The following CCR5AS variants were observed in gnomAD, a reference collection of about 807,000 sequenced individuals.
CCR5AS encodes the protein CCR5 antisense RNA.
At chr3:46,364,997 G>A (rs1701586926) in exon 4 of CCR5AS, 1 of 154,754 alleles carries the variant, frequency 6.5e-6, no homozygotes. Flanking sequence ...TCTTACATAT[G>A]AGCAGTGAAA....
At chr3:46,404,313 CTCTCTCTCTCTCTCTT>C (rs1452044932) in intron 1 of CCR5AS, among the ~76,000 whole-genome samples, 2,992 of 90,094 alleles carry the variant, frequency 0.033, 72 homozygotes, top group African/African-American at 0.11. Flanking sequence ...CTCTCTCTCT[CTCTCTCTCTCTCTCTT>C]TTTTTTTTTT....
In CCR5AS at chr3:46,373,359, T is replaced by G. The variant is rs777744606; in HGVS notation, n.392-1942A>C. On this transcript the variant is annotated intron_variant and non_coding_transcript_variant, in intron 2 of 3. Transcript: ENST00000451485. Reference sequence around the variant, plus strand: ...TGGGGTGGTGACAAGTGTGATCACTTGGGTGGTGGCTGTGTTTGCGTCTCT... The same window carrying G: ...TGGGGTGGTGACAAGTGTGATCACTGGGGTGGTGGCTGTGTTTGCGTCTCT... The G allele has an allele frequency of 3.1e-6, 5 of 1,614,150 alleles. No individual in the cohort carries two copies. In the African/African-American group the frequency reaches 6.7e-5, roughly 22 times the overall value.
At chr3:46,398,196 G>A (rs916465988) in intron 1 of CCR5AS, among the ~76,000 whole-genome samples, 3 of 40,112 alleles carry the variant, frequency 7.5e-5, no homozygotes, top group Non-Finnish European at 3.7e-5. Flanking sequence ...CAAAATGGAA[G>A]ACCCCAAAAC....
chr3:46,384,533 G>A (rs1701842202), intron 2 of CCR5AS, among the ~76,000 whole-genome samples: 1 of 152,164 alleles, frequency 6.6e-6, no homozygotes, highest in African/African-American at 2.4e-5. Context: ...TCATTAAAAG[G>A]AAAACCTTAC....
intron 2 of CCR5AS, among the ~76,000 whole-genome samples, chr3:46,390,416 G>T (rs1323846324): frequency 6.6e-6 from 1 of 152,170 alleles, no homozygotes. Flanking sequence ...TAGGATAGGG[G>T]AGTTGTAAGG....
intron 2 of CCR5AS, among the ~76,000 whole-genome samples, chr3:46,389,543 G>A (rs1701892814): frequency 6.6e-6 from 1 of 152,216 alleles, no homozygotes; most frequent in South Asian, 2.1e-4. Flanking sequence ...AAAGGCAACA[G>A]GTCGTGGGCC....
At chr3:46,391,756 A>T (rs112982903) in intron 2 of CCR5AS, among the ~76,000 whole-genome samples, 1 of 151,976 alleles carries the variant, frequency 6.6e-6, no homozygotes, top group African/African-American at 2.4e-5. Flanking sequence ...GAAGGTGACC[A>T]AAGGTTTATA....
chr3:46,371,478 A>G (rs1305289471), intron 2 of CCR5AS: 1 of 152,198 alleles, frequency 6.6e-6, no homozygotes, highest in Non-Finnish European at 1.5e-5. Flanking sequence ...CCTCTAATAT[A>G]TCAGTTTCAT....
intron 2 of CCR5AS, among the ~76,000 whole-genome samples, chr3:46,389,368 C>A (rs1270571748): frequency 6.6e-6 from 1 of 152,010 alleles, no homozygotes; most frequent in East Asian, 1.9e-4. Context: ...TATAAATGAC[C>A]AGGTAGGGTC....
intron 1 of CCR5AS, among the ~76,000 whole-genome samples, chr3:46,402,722 G>C (rs979190581): frequency 2.0e-5 from 3 of 152,072 alleles, no homozygotes; most frequent in Non-Finnish European, 4.4e-5. Context: ...TTGTTATTAT[G>C]CATTTAAACA....
At chr3:46,382,739 T>G (rs1405196664) in intron 2 of CCR5AS, among the ~76,000 whole-genome samples, 1 of 152,166 alleles carries the variant, frequency 6.6e-6, no homozygotes, top group Non-Finnish European at 1.5e-5. Context: ...ATGATTTAAT[T>G]TAAATGTGGC....
downstream of CCR5AS, among the ~76,000 whole-genome samples, chr3:46,364,244 CTT>C (rs1701579967): frequency 1.3e-5 from 2 of 152,234 alleles, no homozygotes; most frequent in Non-Finnish European, 2.9e-5. Flanking sequence ...GGCTGACTCT[CTT>C]TTTAGAGGTG....
intron 2 of CCR5AS, among the ~76,000 whole-genome samples, chr3:46,386,334 T>G (rs1701862365): frequency 6.6e-6 from 1 of 152,242 alleles, no homozygotes; most frequent in Admixed American, 6.5e-5. Flanking sequence ...GGACACCAGG[T>G]GCAGTCAACG....
chr3:46,398,504 T>TA (rs1488770064), intron 1 of CCR5AS, among the ~76,000 whole-genome samples: 2 of 152,158 alleles, frequency 1.3e-5, no homozygotes, highest in Admixed American at 6.6e-5. Flanking sequence ...ATTGTTTTTA[T>TA]AAAAAATCAA....
At chr3:46,401,658 G>C (rs977214151) in intron 1 of CCR5AS, among the ~76,000 whole-genome samples, 2 of 152,258 alleles carry the variant, frequency 1.3e-5, no homozygotes, top group South Asian at 2.1e-4. Context: ...CGCAGACATG[G>C]GTCTCAGAGT....
chr3:46,383,055 G>A (rs1212154112), intron 2 of CCR5AS, among the ~76,000 whole-genome samples: 2 of 152,186 alleles, frequency 1.3e-5, no homozygotes, highest in Non-Finnish European at 2.9e-5. Context: ...CTTCAGATTA[G>A]GATGTGCTCC....
At chr3:46,403,707 G>A (rs904139180) in intron 1 of CCR5AS, among the ~76,000 whole-genome samples, 4 of 152,226 alleles carry the variant, frequency 2.6e-5, no homozygotes, top group Non-Finnish European at 4.4e-5. Flanking sequence ...AGGGGTACCA[G>A]TGAGATTCCC....
chr3:46,366,278 T>C (rs946987403), intron 3 of CCR5AS, among the ~76,000 whole-genome samples: 1 of 152,168 alleles, frequency 6.6e-6, no homozygotes, highest in Non-Finnish European at 1.5e-5. Flanking sequence ...TAGTTGCTAG[T>C]TCTGGGACAA....
intron 1 of CCR5AS, among the ~76,000 whole-genome samples, chr3:46,398,521 A>T (rs931605116): frequency 6.6e-6 from 1 of 152,182 alleles, no homozygotes; most frequent in Non-Finnish European, 1.5e-5. Context: ...TCAAAATCCA[A>T]AAAAAGCAAC....
Sources: gnomAD v4.1 joint callset for allele counts (sites outside exome capture counted in the v4.1 genomes callset) on GRCh38, gnomAD v4.1.1 for gene constraint, MANE v1.5 for transcripts, NCBI Gene and HGNC (gene_info 2026-07-23, HGNC 2026-07-21) for gene names.